The following ASPRV1 variants were observed in gnomAD, a reference collection of about 807,000 sequenced individuals.
ASPRV1 encodes the protein retroviral-like aspartic protease 1.
Under a neutral mutation model 11.0 loss-of-function variants are expected in ASPRV1, and 7 were observed. The observed-to-expected ratio is 0.64, with a 90% CI of 0.36 to 1.20. The LOEUF is 1.20. Ranked by LOEUF, ASPRV1 falls within the 50% of genes most tolerant of loss-of-function variation. ASPRV1 has a pLI of 0.02. For missense variants in ASPRV1, 299 were observed against 320.0 expected (o/e 0.93, Z 0.50); for synonymous variants, 136 against 138.4 (o/e 0.98, Z 0.12).
At chr2:69,942,792 C>G in the ASPRV1 span, 1 of 152,184 alleles carries the variant, frequency 6.6e-6, no homozygotes, top group African/African-American at 2.4e-5. Flanking sequence ...CAATGTAAAT[C>G]CTGTGTCAAG....
chr2:70,038,520 C>T, the ASPRV1 span, among the ~76,000 whole-genome samples: 1 of 152,068 alleles, frequency 6.6e-6, no homozygotes, highest in Non-Finnish European at 1.5e-5. Context: ...TTTGAGGTTA[C>T]AATGAGCTAT....
At chr2:69,981,149 T>C in the ASPRV1 span, among the ~76,000 whole-genome samples, 1 of 152,374 alleles carries the variant, frequency 6.6e-6, no homozygotes, top group Non-Finnish European at 1.5e-5. Flanking sequence ...TCTAAGATTT[T>C]ATCTAAACTT....
chr2:69,941,757 A>G, the ASPRV1 span: 1 of 152,162 alleles, frequency 6.6e-6, no homozygotes, highest in Admixed American at 6.5e-5. Context: ...CAAAATAACC[A>G]TCTAGCAATA....
the ASPRV1 span, chr2:69,938,179 C>A: frequency 1.2e-6 from 2 of 1,614,210 alleles, no homozygotes; most frequent in Non-Finnish European, 1.7e-6. Flanking sequence ...GCGACTCTGA[C>A]GAGCGGGGCA....
the ASPRV1 span, among the ~76,000 whole-genome samples, chr2:69,947,372 G>A: frequency 6.6e-6 from 1 of 152,154 alleles, no homozygotes; most frequent in Non-Finnish European, 1.5e-5. Context: ...TGAAAAACAG[G>A]TGTGTTTACC....
the ASPRV1 span, among the ~76,000 whole-genome samples, chr2:70,078,551 C>T: frequency 2.0e-5 from 3 of 152,252 alleles, no homozygotes; most frequent in Non-Finnish European, 4.4e-5. Flanking sequence ...AGGGAGAAGG[C>T]CATACTGACA....
the ASPRV1 span, among the ~76,000 whole-genome samples, chr2:69,944,776 C>T: frequency 6.6e-6 from 1 of 150,924 alleles, no homozygotes; most frequent in Non-Finnish European, 1.5e-5. Flanking sequence ...ATCTCAACTT[C>T]CCTCTGTGCC....
the ASPRV1 span, among the ~76,000 whole-genome samples, chr2:69,982,249 T>A: frequency 1.3e-5 from 2 of 150,786 alleles, no homozygotes; most frequent in Non-Finnish European, 3.0e-5. Context: ...AGCCCAGGAG[T>A]TCGAGACCAG....
At chr2:70,034,438 GC>G in the ASPRV1 span, among the ~76,000 whole-genome samples, 2 of 151,910 alleles carry the variant, frequency 1.3e-5, no homozygotes, top group Non-Finnish European at 2.9e-5. Context: ...AGGCGTGGTG[GC>G]GCATGCCTGT....
chr2:69,956,667 A>G (rs981528470), downstream of ASPRV1, among the ~76,000 whole-genome samples: 8 of 152,266 alleles, frequency 5.3e-5, no homozygotes, highest in East Asian at 1.2e-3. Context: ...GAGAAACAAG[A>G]TATTTATATG....
the ASPRV1 span, among the ~76,000 whole-genome samples, chr2:70,051,914 G>A: frequency 6.6e-6 from 1 of 152,104 alleles, no homozygotes; most frequent in South Asian, 2.1e-4. Context: ...GGTAAAGTTT[G>A]CAGTGAGACG....
chr2:70,037,368 G>A, the ASPRV1 span, among the ~76,000 whole-genome samples: 1 of 152,132 alleles, frequency 6.6e-6, no homozygotes, highest in African/African-American at 2.4e-5. Context: ...CTGTCACTCA[G>A]GCTGGGGCAC....
At chr2:70,011,460 T>G in the ASPRV1 span, among the ~76,000 whole-genome samples, 1 of 151,834 alleles carries the variant, frequency 6.6e-6, no homozygotes, top group Non-Finnish European at 1.5e-5. Context: ...GGAAAATGTT[T>G]AGGAGGCAGA....
At chr2:69,961,958 G>A (rs962294092), upstream of ASPRV1, 1 of 396,118 alleles carries the variant, frequency 2.5e-6, no homozygotes, top group Non-Finnish European at 4.7e-6. Context: ...GCAGGGACCA[G>A]ACGCCCATCA....
chr2:69,969,712 G>T, the ASPRV1 span, among the ~76,000 whole-genome samples: 2 of 152,058 alleles, frequency 1.3e-5, no homozygotes, highest in African/African-American at 4.8e-5. Flanking sequence ...CAGTGAACAT[G>T]CTGTCTTCTC....
the ASPRV1 span, among the ~76,000 whole-genome samples, chr2:70,062,481 C>T: frequency 1.3e-5 from 2 of 152,238 alleles, no homozygotes; most frequent in East Asian, 1.9e-4. Flanking sequence ...CCCTCTCTCA[C>T]CCTCATGGGT....
At chr2:70,050,146 G>C in the ASPRV1 span, 1 of 152,184 alleles carries the variant, frequency 6.6e-6, no homozygotes, top group Non-Finnish European at 1.5e-5. Flanking sequence ...CGGGCATGGT[G>C]GCGAGTGCCT....
the ASPRV1 span, among the ~76,000 whole-genome samples, chr2:70,053,149 C>G: frequency 6.6e-6 from 1 of 152,136 alleles, no homozygotes; most frequent in Non-Finnish European, 1.5e-5. Flanking sequence ...AGACTAAGTC[C>G]CTACGAAGGA....
At chr2:70,029,807 C>T in the ASPRV1 span, among the ~76,000 whole-genome samples, 1 of 151,972 alleles carries the variant, frequency 6.6e-6, no homozygotes, top group East Asian at 1.9e-4. Context: ...TCAAGGACCC[C>T]TCCCTAGAGG....
Sources: gnomAD v4.1 joint callset for allele counts (sites outside exome capture counted in the v4.1 genomes callset) on GRCh38, gnomAD v4.1.1 for gene constraint, MANE v1.5 for transcripts, NCBI Gene and HGNC (gene_info 2026-07-23, HGNC 2026-07-21) for gene names.